MGST1: variants seen among roughly 807,000 people sequenced by gnomAD.
MGST1 encodes microsomal glutathione S-transferase 1, also known as glutathione S-transferase 12.
Under a neutral mutation model 8.9 loss-of-function variants are expected in MGST1, and 5 were observed. That is an observed-to-expected ratio of 0.56 (90% CI 0.29 to 1.19). MGST1 has a LOEUF of 1.19. Among genes scored for constraint, MGST1 ranks in the 50% most tolerant of loss-of-function variants. MGST1 has a pLI of 0.08. For synonymous variants in MGST1, 54 were observed against 67.8 expected, an observed-to-expected ratio of 0.80 and a Z score of 1.00; for missense variants, 182 against 187.4, an observed-to-expected ratio of 0.97 and a Z score of 0.17.
chr12:16,502,172 G>C (rs1941509227), intron 4 of MGST1, among the ~76,000 whole-genome samples: 1 of 152,096 alleles, frequency 6.6e-6, no homozygotes, highest in Admixed American at 6.5e-5. Flanking sequence ...TTGTGAATTT[G>C]GCTTCTTAAC....
chr12:16,430,800 G>A (rs1591725917), intron 1 of MGST1, among the ~76,000 whole-genome samples: 3 of 152,118 alleles, frequency 2.0e-5, no homozygotes, highest in Non-Finnish European at 2.9e-5. Flanking sequence ...CTTCAACTGA[G>A]TTACCATCTG....
At chr12:16,470,763 TA>T (rs1030041169) in intron 4 of MGST1, among the ~76,000 whole-genome samples, 3 of 152,132 alleles carry the variant, frequency 2.0e-5, no homozygotes, top group African/African-American at 4.8e-5. Context: ...AAAATTACCT[TA>T]AAAATAATAT....
intron 4 of MGST1, among the ~76,000 whole-genome samples, chr12:16,454,538 A>G (rs1258364304): frequency 1.3e-5 from 2 of 151,868 alleles, no homozygotes; most frequent in Non-Finnish European, 2.9e-5. Flanking sequence ...AAAGATGTTA[A>G]ATAAATCTAC....
At chr12:16,439,422 T>C (rs944478259), downstream of MGST1, among the ~76,000 whole-genome samples, 1 of 151,844 alleles carries the variant, frequency 6.6e-6, no homozygotes, top group Admixed American at 6.6e-5. Context: ...GAACTTCCAG[T>C]CAGACTCTAA....
chr12:16,440,164 A>G (rs1215191486), downstream of MGST1, among the ~76,000 whole-genome samples: 2 of 151,748 alleles, frequency 1.3e-5, no homozygotes, highest in African/African-American at 4.8e-5. Context: ...TTCAGATACA[A>G]TGGTGAACAC....
chr12:16,563,713 T>A (rs1030820197), intron 4 of MGST1, among the ~76,000 whole-genome samples: 2 of 152,172 alleles, frequency 1.3e-5, no homozygotes, highest in Non-Finnish European at 2.9e-5. Context: ...ATCCTCTAGA[T>A]AAGAGGGCCT....
At chr12:16,399,523 C>T in intron 1 of MGST1, 2 of 1,547,134 alleles carry the variant, frequency 1.3e-6, no homozygotes, top group South Asian at 1.1e-5. Context: ...GACTCTTCTG[C>T]TTCTGATGAA....
rs1941192137 is a variant in MGST1 at position 16,458,241 on chromosome 12, C to G, written n.482+74637C>G. Among the ~76,000 whole-genome samples the G allele has an allele frequency of 6.6e-6, 1 of 151,848 alleles. No individual in the cohort carries two copies. The highest frequency in any genetic ancestry group is 2.1e-4 in the South Asian group (1 of 4,816). The stretch of plus-strand genomic sequence containing the variant: ...TGCCTCCAAAATAATATGAATGGAC[C>G]CAAACTAAATGACCACTCATTACAA... On this transcript the variant is annotated intron_variant and non_coding_transcript_variant, in intron 4 of 4. Coordinates refer to the MGST1 transcript ENST00000538857. This position sits in a 1 kb window ranked among gnomAD's most constrained non-coding sequence, Gnocchi z 4.0.
In MGST1 at chr12:16,361,108, G is replaced by A. The variant is rs1024082660; in HGVS notation, c.222-2687G>A. ...CTTGAAGAGTATTAGGATTTGAAAGGAGAAAGAGGAGAGAAGTCTCATCAA... is the reference window on the plus strand; with the variant it reads ...CTTGAAGAGTATTAGGATTTGAAAGAAGAAAGAGGAGAGAAGTCTCATCAA... On this transcript the variant is annotated intron_variant, in intron 3 of 3. Transcript: ENST00000396210. This position sits in a 1 kb window ranked among gnomAD's most constrained non-coding sequence, Gnocchi z 4.2. 7.2e-5 allele frequency among the ~76,000 whole-genome samples: 11 copies of A among 152,116 alleles called. No homozygotes were observed. The highest frequency in any genetic ancestry group is 2.7e-4 in the African/African-American group (11 of 41,416).
rs369576042 is a variant in MGST1, at chr12:16,556,844, AG to A, written n.483-32683del. On this transcript the variant is annotated intron_variant and non_coding_transcript_variant, in intron 4 of 4. Transcript: ENST00000538857. ...TTGTCTTGTAGGGGCTGAAGTGACA[AG>A]ACAATAACTAAGTGCTAATTGTGCA... Among the ~76,000 whole-genome samples the A allele has an allele frequency of 2.6e-3, 390 of 152,330 alleles. 1 individual carries two copies. Among genetic ancestry groups the A allele is most frequent in the Middle Eastern group, 0.014 (4 of 294 alleles).
intron 1 of MGST1, among the ~76,000 whole-genome samples, chr12:16,391,180 A>G (rs1298678153): frequency 6.8e-6 from 1 of 147,092 alleles, no homozygotes; most frequent in Non-Finnish European, 1.5e-5. Context: ...TCTGGGATAC[A>G]TGTGCAGAAC....
intron 1 of MGST1, among the ~76,000 whole-genome samples, chr12:16,432,118 C>G (rs1940943867): frequency 6.6e-6 from 1 of 152,078 alleles, no homozygotes; most frequent in South Asian, 2.1e-4. Flanking sequence ...TGGCTAATTA[C>G]TTTGCCTATG....
chr12:16,535,101 T>G (rs913138322), intron 4 of MGST1, among the ~76,000 whole-genome samples: 1 of 152,228 alleles, frequency 6.6e-6, no homozygotes, highest in Non-Finnish European at 1.5e-5. Flanking sequence ...TCTCTTCTTA[T>G]CCAGCATTTT....
chr12:16,576,336 G>A lies in MGST1; in HGVS notation n.483-13192G>A, dbSNP rs1382082639. Among the ~76,000 whole-genome samples the A allele has an allele frequency of 2.6e-5, 4 of 152,112 alleles. 1 individual carries two copies. Among genetic ancestry groups the A allele is most frequent in the Admixed American group, 1.3e-4 (2 of 15,274 alleles). ...CATCACTGAGCCTCAGCCCCAATGTGCTGTCTACTCCCTGGACTCAGCATC... is the reference window on the plus strand; with the variant it reads ...CATCACTGAGCCTCAGCCCCAATGTACTGTCTACTCCCTGGACTCAGCATC... On this transcript the variant is annotated intron_variant and non_coding_transcript_variant, in intron 4 of 4. Coordinates refer to the MGST1 transcript ENST00000538857. The surrounding 1 kb of genome is among the most constrained non-coding windows in gnomAD (Gnocchi z 4.1).
rs745603087 is a variant in MGST1, at chr12:16,363,799, C to T, written c.226C>T (p.His76Tyr). ...DDRVERVRRAHLNDLENIIPF... is the reference protein window; with the variant it reads ...DDRVERVRRAYLNDLENIIPF... Reference sequence around the variant, plus strand: ...AATAGTTATCTTTTTCCACAGAGCCCACCTGAATGACCTTGAAAATATTAT... The same window carrying T: ...AATAGTTATCTTTTTCCACAGAGCCTACCTGAATGACCTTGAAAATATTAT... The change falls in exon 4 of 4, where the codon CAC (histidine) becomes TAC (tyrosine). Residue 76 changes from histidine to tyrosine, a missense_variant. Physicochemically the swap from His to Tyr is moderately conservative, Grantham distance 83. Transcript: ENST00000396210. The surrounding 1 kb of genome is among the most constrained non-coding windows in gnomAD (Gnocchi z 4.6). 1.4e-5 allele frequency: 23 copies of T among 1,599,248 alleles called. No homozygotes were observed. The highest frequency in any genetic ancestry group is 1.7e-5 in the Admixed American group (1 of 59,550).
intron 3 of MGST1, among the ~76,000 whole-genome samples, chr12:16,358,808 T>TTTTTTTA (rs1565436388): frequency 1.9e-5 from 2 of 106,946 alleles, no homozygotes; most frequent in Non-Finnish European, 4.0e-5. Flanking sequence ...TTTTTTTTTT[T>TTTTTTTA]ACAGCTGTGT....
intron 3 of MGST1, among the ~76,000 whole-genome samples, chr12:16,359,449 T>C (rs967756943): frequency 6.6e-6 from 1 of 152,276 alleles, no homozygotes. Flanking sequence ...CACTTAGTTA[T>C]ATACTTCTTA....
rs906016512 is a variant in MGST1 at position 16,513,997 on chromosome 12, C to T, written n.483-75531C>T. The T allele has an allele frequency of 2.3e-6, 1 of 439,786 alleles. No homozygotes were observed. Among genetic ancestry groups the T allele is most frequent in the Non-Finnish European group, 4.5e-6 (1 of 224,242 alleles). The allele number at this position is 439,786 out of a possible 1,614,324, so 27.2% of individuals were successfully genotyped here. A position where few individuals can be genotyped will look rare whatever the true frequency, so the allele number is the denominator to read the frequency against. ...CATTTCAAAAACACCAGAGCAAAGT[C>T]TTCTTCTTCTGCATGCTTGCTCCCA... On this transcript the variant is annotated intron_variant and non_coding_transcript_variant, in intron 4 of 4. Transcript: ENST00000538857. This position sits in a 1 kb window ranked among gnomAD's most constrained non-coding sequence, Gnocchi z 4.2.
At chr12:16,356,805 A>G (rs1224775320) in intron 2 of MGST1, among the ~76,000 whole-genome samples, 1 of 152,248 alleles carries the variant, frequency 6.6e-6, no homozygotes. Context: ...GAAAAGAGGT[A>G]CACATGTTCT....
Sources: allele counts gnomAD v4.1 joint callset (sites outside exome capture counted in the v4.1 genomes callset), GRCh38; gene constraint gnomAD v4.1.1; non-coding constraint Gnocchi (gnomAD v3.1); transcripts MANE v1.5; gene names NCBI Gene and HGNC (gene_info 2026-07-23, HGNC 2026-07-21).